The following PYHIN1 variants were observed in gnomAD, a reference collection of about 807,000 sequenced individuals.
The protein encoded by PYHIN1 is pyrin and HIN domain family member 1, also known as pyrin and HIN domain-containing protein 1.
In PYHIN1, 32 loss-of-function variants were observed where a neutral mutation model predicts 43.7. That is an observed-to-expected ratio of 0.73 (90% CI 0.55 to 0.98). The LOEUF (loss-of-function observed/expected upper bound fraction) is 0.98. PYHIN1 is among the 50% of genes least tolerant of loss of function. PYHIN1 has a pLI of 0.00. For synonymous variants in PYHIN1, 205 were observed against 203.1 expected (o/e 1.01, Z -0.08); for missense variants, 588 against 589.5 (o/e 1.00, Z 0.03).
intron 7 of PYHIN1, among the ~76,000 whole-genome samples, chr1:158,948,201 T>A (rs1393196483): frequency 6.6e-6 from 1 of 152,238 alleles, no homozygotes; most frequent in Non-Finnish European, 1.5e-5. Context: ...ATCATGAATA[T>A]AATTAGCAGC....
intron 4 of PYHIN1, among the ~76,000 whole-genome samples, chr1:158,940,480 A>G (rs1343663077): frequency 6.6e-6 from 1 of 152,180 alleles, no homozygotes; most frequent in African/African-American, 2.4e-5. Flanking sequence ...TAATAATTGC[A>G]TGATTCTGAT....
intron 7 of PYHIN1, among the ~76,000 whole-genome samples, chr1:158,955,299 AT>A (rs1255989680): frequency 6.6e-6 from 1 of 151,594 alleles, no homozygotes; most frequent in African/African-American, 2.4e-5. Context: ...CAGAATATAC[AT>A]TTTTTTCAGC....
chr1:158,953,503 C>A (rs1044715976), intron 7 of PYHIN1, among the ~76,000 whole-genome samples: 14 of 150,716 alleles, frequency 9.3e-5, no homozygotes, highest in African/African-American at 3.4e-4. Flanking sequence ...TGACACCTCA[C>A]ACGGCAGGGT....
chr1:158,933,261 C>T lies in PYHIN1; in HGVS notation c.-21+1485C>T, dbSNP rs1197980938. Among the ~76,000 whole-genome samples the T allele has an allele frequency of 1.3e-5, 2 of 151,094 alleles. No individual in the cohort carries two copies. The highest frequency in any genetic ancestry group is 6.6e-5 in the Admixed American group (1 of 15,164). On this transcript the variant is annotated intron_variant, in intron 1 of 8. Transcript: ENST00000368140. This position sits in a 1 kb window ranked among gnomAD's most constrained non-coding sequence, Gnocchi z 6.3. ...ATATATATATTTGTGGCACCGTGTA[C>T]ATATGTGTGTATATGAAGATAAATA... is the stretch of plus-strand genomic sequence containing the variant.
At chr1:158,965,160 G>C (rs1403407746) in intron 7 of PYHIN1, among the ~76,000 whole-genome samples, 1 of 151,978 alleles carries the variant, frequency 6.6e-6, no homozygotes, top group Non-Finnish European at 1.5e-5. Flanking sequence ...TTTCATAATG[G>C]TAAAGGCTTT....
In PYHIN1 at chr1:158,942,121, A is replaced by G. The variant is rs1648954715; in HGVS notation, c.724A>G (p.Thr242Ala). Reference sequence around the variant, plus strand: ...TGAGCAAAGAAGAATGTTTCATGCTACAGTGGCTACGCAGACACAGTTCTT... The same window carrying G: ...TGAGCAAAGAAGAATGTTTCATGCTGCAGTGGCTACGCAGACACAGTTCTT... ...ENEQRRMFHA[T>A]VATQTQFFHV... Residue 242 changes from threonine (T) to alanine (A), a missense_variant, in exon 5 of 9, where the codon ACA (threonine) becomes GCA (alanine). Physicochemically the swap from Thr to Ala is moderately conservative, Grantham distance 58 (BLOSUM62 0). Transcript: ENST00000368140. The G allele has an allele frequency of 1.2e-6, 2 of 1,614,162 alleles. No individual in the cohort carries two copies. The highest frequency in any genetic ancestry group is 2.7e-5 in the African/African-American group (2 of 75,072).
intron 7 of PYHIN1, among the ~76,000 whole-genome samples, chr1:158,956,156 C>T (rs1402859194): frequency 7.0e-6 from 1 of 143,124 alleles, no homozygotes; most frequent in Non-Finnish European, 1.5e-5. Flanking sequence ...GGATTCACAG[C>T]TGAATTCTAC....
At chr1:158,966,574 A>G (rs910661239) in intron 7 of PYHIN1, among the ~76,000 whole-genome samples, 8 of 152,164 alleles carry the variant, frequency 5.3e-5, no homozygotes, top group Admixed American at 2.0e-4. Context: ...ATACAAAACA[A>G]TAAATGTGGT....
chr1:158,973,505 T>TCACACACA (rs144676333), intron 7 of PYHIN1, 142 bp from the exon 8 acceptor site: 392 of 483,440 alleles, frequency 8.1e-4, no homozygotes, highest in African/African-American at 2.6e-3. Flanking sequence ...AAAGGGATTT[T>TCACACACA]CACACACACA....
intron 1 of PYHIN1, among the ~76,000 whole-genome samples, chr1:158,934,235 C>T (rs2101637770): frequency 6.6e-6 from 1 of 152,304 alleles, no homozygotes; most frequent in Non-Finnish European, 1.5e-5. Context: ...AGCATCAAAA[C>T]ATATGAATAT....
chr1:158,935,411 A>G (rs1043484981), intron 1 of PYHIN1, among the ~76,000 whole-genome samples: 1 of 152,216 alleles, frequency 6.6e-6, no homozygotes, highest in Non-Finnish European at 1.5e-5. Context: ...TGGGATAAAA[A>G]TGTGGTTTAT....
intron 7 of PYHIN1, among the ~76,000 whole-genome samples, chr1:158,965,748 G>C (rs1650594444): frequency 6.6e-6 from 1 of 152,124 alleles, no homozygotes; most frequent in Non-Finnish European, 1.5e-5. Flanking sequence ...AGTCTTAAGA[G>C]AGAGGTTTGT....
intron 4 of PYHIN1, chr1:158,939,543 C>G: frequency 1.9e-6 from 3 of 1,545,130 alleles, no homozygotes; most frequent in Non-Finnish European, 2.6e-6. Flanking sequence ...ATTATACACC[C>G]ATTCCCTTTG....
chr1:158,934,117 T>C (rs1227315397), intron 1 of PYHIN1, among the ~76,000 whole-genome samples: 1 of 152,178 alleles, frequency 6.6e-6, no homozygotes, highest in Non-Finnish European at 1.5e-5. Context: ...CTCGGTATGT[T>C]TTGAAAATCA....
At chr1:158,971,936 A>C (rs1447890797) in intron 7 of PYHIN1, among the ~76,000 whole-genome samples, 1 of 151,936 alleles carries the variant, frequency 6.6e-6, no homozygotes, top group African/African-American at 2.4e-5. Flanking sequence ...AGCCAGAGAA[A>C]ATGCAAGAAG....
chr1:158,956,247 A>G (rs1006551502), intron 7 of PYHIN1, among the ~76,000 whole-genome samples: 1 of 151,780 alleles, frequency 6.6e-6, no homozygotes, highest in Non-Finnish European at 1.5e-5. Flanking sequence ...TCCCTAACTC[A>G]TTTTATGAGG....
chr1:158,951,153 A>G lies in PYHIN1; in HGVS notation c.1359+6111A>G, dbSNP rs529609837. 1.1e-4 allele frequency among the ~76,000 whole-genome samples: 17 copies of G among 152,284 alleles called. No homozygotes were observed. The South Asian group carries it at 2.5e-3, about 22-fold the overall frequency. On this transcript the variant is annotated intron_variant, in intron 7 of 8. Transcript: ENST00000368140. ...GCATTGTAGGATAATTTGTTTAGCC[A>G]GTCTCTGGGTAAGTTGAATTTGCTT... is the stretch of plus-strand genomic sequence containing the variant.
chr1:158,990,075 GTCAA>G, the PYHIN1 span, among the ~76,000 whole-genome samples: 22 of 151,980 alleles, frequency 1.4e-4, no homozygotes, highest in African/African-American at 4.6e-4. Flanking sequence ...ATGATGAATA[GTCAA>G]CTTCCACTCA....
chr1:158,945,635 T>C (rs1391926416), intron 7 of PYHIN1, among the ~76,000 whole-genome samples: 6 of 152,300 alleles, frequency 3.9e-5, no homozygotes, highest in African/African-American at 1.2e-4. Context: ...GAGAGTAAAG[T>C]ACTAATTTCA....
Sources: gnomAD v4.1 joint callset for allele counts (sites outside exome capture counted in the v4.1 genomes callset) on GRCh38, gnomAD v4.1.1 for gene constraint, Gnocchi (gnomAD v3.1) non-coding constraint, MANE v1.5 for transcripts, NCBI Gene and HGNC (gene_info 2026-07-23, HGNC 2026-07-21) for gene names.